The following GLYATL1 variants were observed in gnomAD, a reference collection of about 807,000 sequenced individuals.
The protein encoded by GLYATL1 is glycine N-acyltransferase-like protein 1.
GLYATL1 carries 15 observed loss-of-function variants against 20.0 expected under a neutral mutation model. The ratio of observed to expected loss-of-function variants is 0.75; its 90% CI spans 0.50 to 1.15. GLYATL1 has a LOEUF of 1.15. GLYATL1 is among the 50% of genes most tolerant of loss of function. GLYATL1 has a pLI of 0.00. For synonymous variants in GLYATL1, 151 were observed against 131.5 expected, an observed-to-expected ratio of 1.15 and a Z score of -1.01; for missense variants, 380 against 368.5, an observed-to-expected ratio of 1.03 and a Z score of -0.26.
chr11:58,907,192 C>T, intron 1 of GLYATL1: 2 of 454,270 alleles, frequency 4.4e-6, no homozygotes, highest in Non-Finnish European at 8.9e-6. Flanking sequence ...TTAGGGGAAA[C>T]CTCTTCATAT....
At chr11:58,906,467 T>C (rs1025126523) in intron 1 of GLYATL1, among the ~76,000 whole-genome samples, 3 of 152,090 alleles carry the variant, frequency 2.0e-5, no homozygotes, top group Non-Finnish European at 4.4e-5. Context: ...CTGTTCAAAG[T>C]TCCTGGGGTG....
exon 2 of GLYATL1, chr11:58,907,760 G>C: frequency 4.9e-6 from 1 of 203,926 alleles, no homozygotes; most frequent in Non-Finnish European, 1.0e-5. Context: ...ATATTCTTGA[G>C]CTTTGTTCCA....
intron 5 of GLYATL1, 84 bp downstream of exon 5, chr11:58,954,980 C>A (rs530227520): frequency 7.1e-7 from 1 of 1,404,078 alleles, no homozygotes; most frequent in African/African-American, 1.5e-5. Flanking sequence ...CCTGAGGGCT[C>A]ATTAGAAATG....
In GLYATL1 at chr11:58,956,220, G is replaced by A. The variant is rs1857411327; in HGVS notation, c.*193G>A. ...GCTTACAATCCTGGCTGGAGGCAGG[G>A]GAGGGTATATTCTTTAAATATGCTT... On this transcript the variant is annotated 3_prime_UTR_variant, in exon 7 of 7. Transcript: ENST00000532726. 6 of 599,196 alleles carry A rather than the reference G, an allele frequency of 1.0e-5. No homozygotes were observed. The highest frequency in any genetic ancestry group is 1.9e-5 in the African/African-American group (1 of 53,882). 37.1% of individuals were successfully genotyped at this position (599,196 alleles called of 1,614,324 possible). A position where few individuals can be genotyped will look rare whatever the true frequency, so the allele number is the denominator to read the frequency against.
chr11:58,941,729 G>A (rs1272338801), intron 1 of GLYATL1, among the ~76,000 whole-genome samples: 1 of 152,198 alleles, frequency 6.6e-6, no homozygotes, highest in Non-Finnish European at 1.5e-5. Flanking sequence ...GAAGCAGAGA[G>A]GCCAAAGAGA....
chr11:58,935,900 A>G (rs1855813063), upstream of GLYATL1, among the ~76,000 whole-genome samples: 1 of 152,214 alleles, frequency 6.6e-6, no homozygotes, highest in South Asian at 2.1e-4. Context: ...TATTAAACAC[A>G]TACAGCTTTT....
upstream of GLYATL1, among the ~76,000 whole-genome samples, chr11:58,923,405 C>T (rs961320967): frequency 6.6e-6 from 1 of 152,182 alleles, no homozygotes; most frequent in South Asian, 2.1e-4. Context: ...TCATTGGTTA[C>T]TTTGTTTACA....
At chr11:58,906,142 C>T (rs768876139) in intron 1 of GLYATL1, among the ~76,000 whole-genome samples, 15 of 152,110 alleles carry the variant, frequency 9.9e-5, no homozygotes, top group South Asian at 2.1e-4. Context: ...GGGTCGGACC[C>T]GGAGTTAGGT....
chr11:58,909,387 G>A (rs1421063678), downstream of GLYATL1, among the ~76,000 whole-genome samples: 1 of 152,138 alleles, frequency 6.6e-6, no homozygotes, highest in Non-Finnish European at 1.5e-5. Context: ...TATGTTAAGT[G>A]TTCTTATTAC....
At chr11:58,954,950 A>G (rs752252449) in intron 5 of GLYATL1, 54 bp downstream of exon 5, 9 of 1,552,022 alleles carry the variant, frequency 5.8e-6, no homozygotes, top group South Asian at 1.2e-5. Context: ...TTGTGTCTTC[A>G]ACTAACAGCA....
chr11:58,917,639 T>A (rs1207674943), intron 1 of GLYATL1, among the ~76,000 whole-genome samples: 1 of 152,236 alleles, frequency 6.6e-6, no homozygotes, highest in African/African-American at 2.4e-5. Flanking sequence ...GGTGCCTAGA[T>A]GGCTGCAGTC....
At chr11:58,933,529 G>A (rs568789640) in intron 1 of GLYATL1, 1 of 152,122 alleles carries the variant, frequency 6.6e-6, no homozygotes, top group Admixed American at 6.5e-5. Flanking sequence ...ATCTATCTGG[G>A]TTGTCTTATA....
chr11:58,941,304 C>A (rs1056999223), intron 1 of GLYATL1, among the ~76,000 whole-genome samples: 2 of 149,128 alleles, frequency 1.3e-5, no homozygotes, highest in Non-Finnish European at 3.0e-5. Flanking sequence ...GGTTTTTTGT[C>A]CTTGTGATAG....
chr11:58,928,488 C>CT (rs1186222693), intron 1 of GLYATL1: 1 of 152,254 alleles, frequency 6.6e-6, no homozygotes, highest in Non-Finnish European at 1.5e-5. Flanking sequence ...CTGCAGACCC[C>CT]TGACTGTCCT....
At chr11:58,927,678 C>CTT (rs34010465), upstream of GLYATL1, 9 of 152,166 alleles carry the variant, frequency 5.9e-5, no homozygotes, top group Admixed American at 3.9e-4. Flanking sequence ...TTCTAATGCC[C>CTT]TTTTTTAACC....
intron 4 of GLYATL1, among the ~76,000 whole-genome samples, chr11:58,953,801 C>G (rs536517517): frequency 6.6e-6 from 1 of 152,278 alleles, no homozygotes; most frequent in South Asian, 2.1e-4. Flanking sequence ...ACACTATTTT[C>G]TCTTTAACTC....
At chr11:58,926,486 TC>T (rs1855431283), upstream of GLYATL1, among the ~76,000 whole-genome samples, 1 of 152,196 alleles carries the variant, frequency 6.6e-6, no homozygotes, top group South Asian at 2.1e-4. Flanking sequence ...CTGTAAAAGT[TC>T]TTTAACAAAT....
chr11:58,936,404 C>A (rs1035122417), upstream of GLYATL1, among the ~76,000 whole-genome samples: 1 of 152,180 alleles, frequency 6.6e-6, no homozygotes, highest in Non-Finnish European at 1.5e-5. Flanking sequence ...TGTCCACTTC[C>A]CAGGACTTAG....
upstream of GLYATL1, among the ~76,000 whole-genome samples, chr11:58,926,405 C>CGTTG (rs1265848876): frequency 6.6e-6 from 1 of 152,114 alleles, no homozygotes; most frequent in Non-Finnish European, 1.5e-5. Context: ...AGGATGTGTA[C>CGTTG]GTTGGTCCAG....
Sources: allele counts gnomAD v4.1 joint callset (sites outside exome capture counted in the v4.1 genomes callset), GRCh38; gene constraint gnomAD v4.1.1; transcripts MANE v1.5; gene names NCBI Gene and HGNC (gene_info 2026-07-23, HGNC 2026-07-21).